The following KALRN variants were observed in gnomAD, a reference collection of about 807,000 sequenced individuals.
KALRN encodes the protein kalirin.
Under a neutral mutation model 353.7 loss-of-function variants are expected in KALRN, and 70 were observed. That is an observed-to-expected ratio of 0.20 (90% CI 0.16 to 0.24). The LOEUF is 0.24. Ranked by LOEUF, KALRN falls within the 10% of genes least tolerant of loss-of-function variation. The pLI, the probability that KALRN is intolerant of heterozygous loss-of-function variation, is 1.00. For synonymous variants in KALRN, 1,391 were observed against 1,434.8 expected (o/e 0.97, Z 0.69); for missense variants, 2,791 against 3,756.7 (o/e 0.74, Z 6.72).
intron 52 of KALRN, 132 bp downstream of exon 52, chr3:124,693,963 G>A: frequency 4.5e-6 from 3 of 669,470 alleles, no homozygotes; most frequent in Non-Finnish European, 2.5e-6. Flanking sequence ...AGAGGTTTAT[G>A]ATAAATTATT....
At chr3:124,301,363 G>A (rs1266745243) in intron 6 of KALRN, among the ~76,000 whole-genome samples, 1 of 152,194 alleles carries the variant, frequency 6.6e-6, no homozygotes, top group African/African-American at 2.4e-5. Flanking sequence ...ACTGGAGAGA[G>A]AAGAGAAGAG....
intron 33 of KALRN, among the ~76,000 whole-genome samples, chr3:124,523,304 G>T (rs1307318274): frequency 6.6e-6 from 1 of 152,112 alleles, no homozygotes; most frequent in African/African-American, 2.4e-5. Context: ...TTGGTCTTTT[G>T]CCCTGTTCAG....
chr3:124,540,437 G>T (rs995620730), intron 33 of KALRN, among the ~76,000 whole-genome samples: 2 of 152,010 alleles, frequency 1.3e-5, no homozygotes, highest in African/African-American at 4.8e-5. Context: ...TTTCTCATTT[G>T]GGAGTTTTTT....
chr3:124,534,802 C>A (rs2068374908), intron 33 of KALRN, among the ~76,000 whole-genome samples: 1 of 151,602 alleles, frequency 6.6e-6, no homozygotes, highest in African/African-American at 2.4e-5. Context: ...TTTTAATGGG[C>A]AAAATATAAG....
intron 14 of KALRN, among the ~76,000 whole-genome samples, chr3:124,415,785 G>A (rs2092462458): frequency 6.6e-6 from 1 of 152,180 alleles, no homozygotes; most frequent in South Asian, 2.1e-4. Flanking sequence ...TACTCAGTGT[G>A]GGCCCTGGGC....
chr3:124,310,185 G>A (rs1596648), intron 6 of KALRN, among the ~76,000 whole-genome samples: 94,799 of 151,880 alleles, frequency 0.62, 29,882 homozygotes, highest in South Asian at 0.78. Context: ...AAAAGAATAA[G>A]ATGCTTGGGA....
chr3:124,539,343 G>A (rs1215006020), intron 33 of KALRN, among the ~76,000 whole-genome samples: 1 of 152,224 alleles, frequency 6.6e-6, no homozygotes, highest in African/African-American at 2.4e-5. Context: ...CTCTGAGGGA[G>A]ATAGACCACA....
chr3:124,253,405 G>A (rs561703251), intron 3 of KALRN, among the ~76,000 whole-genome samples: 3 of 152,130 alleles, frequency 2.0e-5, no homozygotes, highest in Non-Finnish European at 4.4e-5. Flanking sequence ...TACTTACTTG[G>A]GGCTACTTTT....
Position 124,434,467 on chromosome 3 carries a change from T to C in KALRN, c.2990T>C (p.Met997Thr), listed in dbSNP as rs1201974871. 6.2e-7 allele frequency: 1 copy of C among 1,614,242 alleles called. No individual in the cohort carries two copies. Among genetic ancestry groups the C allele is most frequent in the South Asian group, 1.1e-5 (1 of 91,088 alleles). Reference protein sequence around the residue: ...ALHWQQLMLKMEDRLKLVNAS... With the variant: ...ALHWQQLMLKTEDRLKLVNAS... ...CACTGGCAGCAGCTCATGCTGAAGA[T>C]GGAAGACCGGCTAAAATTGGTCAAT... The change falls in exon 17 of 60, where the codon ATG becomes ACG. Residue 997 changes from methionine to threonine, a missense_variant. Met to Thr is a moderately conservative substitution (Grantham distance 81, BLOSUM62 -1). Coordinates refer to ENST00000682506, the MANE Select transcript of KALRN (RefSeq NM_001388419.1).
At chr3:124,464,569 A>G (rs1357488486) in intron 25 of KALRN, among the ~76,000 whole-genome samples, 1 of 152,174 alleles carries the variant, frequency 6.6e-6, no homozygotes, top group Non-Finnish European at 1.5e-5. Context: ...ACTATCAAGA[A>G]CACAGCTACC....
intron 48 of KALRN, among the ~76,000 whole-genome samples, chr3:124,672,298 A>G (rs1278704603): frequency 6.6e-6 from 1 of 152,224 alleles, no homozygotes; most frequent in Non-Finnish European, 1.5e-5. Flanking sequence ...GGAACAGCAC[A>G]CTAAGTACAG....
intron 1 of KALRN, among the ~76,000 whole-genome samples, chr3:124,225,833 A>G (rs188698516): frequency 3.9e-5 from 6 of 152,338 alleles, no homozygotes; most frequent in Admixed American, 3.3e-4. Context: ...GGACAGCAGT[A>G]GAAAAAAATA....
At chr3:124,159,010 A>C (rs1329289441) in intron 1 of KALRN, among the ~76,000 whole-genome samples, 1 of 152,082 alleles carries the variant, frequency 6.6e-6, no homozygotes, top group South Asian at 2.1e-4. Flanking sequence ...TACATCTACA[A>C]ACAATTGCCT....
intron 10 of KALRN, among the ~76,000 whole-genome samples, chr3:124,352,371 G>A (rs988102189): frequency 3.9e-5 from 6 of 152,172 alleles, no homozygotes; most frequent in African/African-American, 1.2e-4. Context: ...TTACATAACA[G>A]CTGTGCCTAC....
rs1178611748 is a variant in KALRN at position 124,264,614 on chromosome 3, T to C, written c.380T>C (p.Val127Ala). Reference sequence around the variant, plus strand: ...GAAGCCTTTCCAGCTGAGATCCATGTGGCCCTCATCATTAAACCCGACAAC... The same window carrying C: ...GAAGCCTTTCCAGCTGAGATCCATGCGGCCCTCATCATTAAACCCGACAAC... Reference protein sequence around the residue: ...LQEAFPAEIHVALIIKPDNFW... With the variant: ...LQEAFPAEIHAALIIKPDNFW... The change falls in exon 4 of 60, where the codon GTG becomes GCG. Residue 127 changes from valine (V) to alanine (A), a missense_variant. By Grantham distance (64) the Val-to-Ala change is moderately conservative (BLOSUM62 0). Transcript: ENST00000682506. The C allele has an allele frequency of 6.2e-7, 1 of 1,614,184 alleles. No homozygotes were observed. The highest frequency in any genetic ancestry group is 2.2e-5 in the East Asian group (1 of 44,888).
intron 1 of KALRN, among the ~76,000 whole-genome samples, chr3:124,222,503 A>G (rs1322298966): frequency 6.6e-6 from 1 of 152,146 alleles, no homozygotes; most frequent in Non-Finnish European, 1.5e-5. Context: ...GCTTTTCTCC[A>G]TCTTCTGCCT....
chr3:124,504,680 C>T, intron 33 of KALRN: 3 of 376,478 alleles, frequency 8.0e-6, no homozygotes, highest in South Asian at 2.0e-5. Flanking sequence ...TGTGATTCTG[C>T]CCTAGACAGA....
chr3:124,503,773 G>A (rs1218416102), intron 33 of KALRN, among the ~76,000 whole-genome samples: 1 of 152,200 alleles, frequency 6.6e-6, no homozygotes, highest in Non-Finnish European at 1.5e-5. Flanking sequence ...TTTCCTCTAA[G>A]TGAAATTTCT....
Position 124,498,263 on chromosome 3 carries a change from T to G in KALRN, c.4935+1850T>G, listed in dbSNP as rs147497297. Among the ~76,000 whole-genome samples the G allele has an allele frequency of 2.5e-3, 379 of 152,336 alleles. 2 individuals are homozygous for G. The highest frequency in any genetic ancestry group is 8.7e-3 in the African/African-American group (362 of 41,572). On this transcript the variant is annotated intron_variant, in intron 33 of 59. Transcript: ENST00000682506. ...TCACATATTCATGTAGAAGCACCCA[T>G]CATGTGCCAAGCTCTGTGCTGGATG...
Sources: allele counts gnomAD v4.1 joint callset (sites outside exome capture counted in the v4.1 genomes callset), GRCh38; gene constraint gnomAD v4.1.1; transcripts MANE v1.5; gene names NCBI Gene and HGNC (gene_info 2026-07-23, HGNC 2026-07-21).